The following BHLHE41 variants were observed in gnomAD, a reference collection of about 807,000 sequenced individuals.
The protein encoded by BHLHE41 is class E basic helix-loop-helix protein 41.
In BHLHE41, 14 loss-of-function variants were observed where a neutral mutation model predicts 24.0. That is an observed-to-expected ratio of 0.58 (90% CI 0.39 to 0.91). The LOEUF (loss-of-function observed/expected upper bound fraction) is 0.91. BHLHE41 is among the 40% of genes least tolerant of loss of function. BHLHE41 has a pLI of 0.00. For missense variants in BHLHE41, 674 were observed against 655.4 expected, an observed-to-expected ratio of 1.03 and a Z score of -0.31; for synonymous variants, 394 against 315.5, an observed-to-expected ratio of 1.25 and a Z score of -2.64.
At position 26,122,450 on chromosome 12, in the gene BHLHE41, C is replaced by G; in HGVS notation, c.1065G>C (p.Ser355=). The change falls in exon 5 of 5, where the codon TCG becomes TCC. Residue 355 remains serine (S), a synonymous_variant. Transcript: ENST00000242728. ...APFCLPFCFL[S]PSAAAAYVQP... is the part of the protein sequence containing the mutation. ...GCACGTAGGCGGCAGCTGCAGAAGG[C>G]GAGAGGAAGCAGAAGGGCAGGCAGA... 1 of 1,355,094 alleles carries G rather than the reference C, an allele frequency of 7.4e-7. No individual in the cohort carries two copies. The highest frequency in any genetic ancestry group is 9.6e-7 in the Non-Finnish European group (1 of 1,043,702). 83.9% of individuals were successfully genotyped at this position (1,355,094 alleles called of 1,614,324 possible). A position where few individuals can be genotyped will look rare whatever the true frequency, so the allele number is the denominator to read the frequency against.
Position 26,122,052 on chromosome 12 carries a change from C to A in BHLHE41, c.*14G>T. ...TCACTCTGCTTGAACCTCCGTCCTT[C>A]GGGACGCAAGGATTCAGGGAGCTTC... On this transcript the variant is annotated 3_prime_UTR_variant, in exon 5 of 5. Coordinates refer to ENST00000242728, the MANE Select transcript of BHLHE41 (RefSeq NM_030762.3). 1 of 1,549,274 alleles carries A rather than the reference C, an allele frequency of 6.5e-7. No individual in the cohort carries two copies. The highest frequency in any genetic ancestry group is 2.5e-5 in the East Asian group (1 of 40,810).
Position 26,124,808 on chromosome 12 carries a change from C to A in BHLHE41, c.-29G>T. 1 of 1,612,534 alleles carries A rather than the reference C, an allele frequency of 6.2e-7. No homozygotes were observed. Among genetic ancestry groups the A allele is most frequent in the South Asian group, 1.1e-5 (1 of 91,042 alleles). On this transcript the variant is annotated 5_prime_UTR_variant, in exon 1 of 5. Coordinates refer to ENST00000242728, the MANE Select transcript of BHLHE41 (RefSeq NM_030762.3). Reference sequence around the variant, plus strand: ...CAACTGCTGTTCGTTTCCTCTGTTTCGATTTTTGGGGCTCTGTACAATAAT... The same window carrying A: ...CAACTGCTGTTCGTTTCCTCTGTTTAGATTTTTGGGGCTCTGTACAATAAT...
chr12:26,124,732 A>C lies in BHLHE41; in HGVS notation c.48T>G (p.His16Gln), dbSNP rs749776518. 3.1e-6 allele frequency: 5 copies of C among 1,614,184 alleles called. No individual in the cohort carries two copies. Among genetic ancestry groups the C allele is most frequent in the Non-Finnish European group, 4.2e-6 (5 of 1,180,012 alleles). Reference sequence around the variant, plus strand: ...GTGCACCTTACCCTATAAAATCTCTATGTTCCAGTAACTGTCTCTCTTGCA... The same window carrying C: ...GTGCACCTTACCCTATAAAATCTCTCTGTTCCAGTAACTGTCTCTCTTGCA... The part of the protein sequence containing the change: ...PHLQERQLLE[H>Q]RDFIGLDYSS... The change falls in exon 1 of 5, where the codon CAT becomes CAG. Residue 16 changes from histidine to glutamine, a missense_variant. Physicochemically the swap from His to Gln is conservative, Grantham distance 24. This residue lies in a region of BHLHE41 where 67 missense variants were observed against 62.4 expected (regional missense o/e 1.07). Transcript: ENST00000242728.
rs1944320473 is a variant in BHLHE41, at chr12:26,122,590, G to T, written c.925C>A (p.Pro309Thr). Residue 309 changes from proline to threonine, a missense_variant, in exon 5 of 5, where the codon CCT becomes ACT. Pro to Thr is a conservative substitution (Grantham distance 38). Around this residue, in one of 3 missense-constraint regions of BHLHE41, gnomAD observed 602 missense variants for 570.8 expected, o/e 1.05. Coordinates refer to ENST00000242728, the MANE Select transcript of BHLHE41 (RefSeq NM_030762.3). The stretch of plus-strand genomic sequence containing the variant: ...CTCAGCAGCGCGGCCGCGGCGGCAG[G>T]GTCGGGCCCCAGAAGCGCGGCTGCC... ...AAAAALLGPDPAAAAALLRPD... is the reference protein window; with the variant it reads ...AAAAALLGPDTAAAAALLRPD... 2 of 1,116,038 alleles carry T rather than the reference G, an allele frequency of 1.8e-6. No individual in the cohort carries two copies. Among genetic ancestry groups the T allele is most frequent in the Non-Finnish European group, 2.2e-6 (2 of 917,676 alleles). 69.1% of individuals were successfully genotyped at this position (1,116,038 alleles called of 1,614,324 possible).
At position 26,122,748 on chromosome 12, in the gene BHLHE41, T is replaced by C. The variant is rs1200508762; in HGVS notation, c.767A>G (p.Lys256Arg). Residue 256 changes from lysine (K) to arginine (R), a missense_variant, in exon 5 of 5, where the codon AAA (lysine) becomes AGA (arginine). Physicochemically the swap from Lys to Arg is conservative, Grantham distance 26 (BLOSUM62 2). This residue lies in a region of BHLHE41 where 602 missense variants were observed against 570.8 expected (regional missense o/e 1.05). Coordinates refer to ENST00000242728, the MANE Select transcript of BHLHE41 (RefSeq NM_030762.3). ...GGTGACGCGGCTCGCCCCCGCGCCTTTGCCTTTCTCGCGGTCCGGCCGGGC... is the reference window on the plus strand; with the variant it reads ...GGTGACGCGGCTCGCCCCCGCGCCTCTGCCTTTCTCGCGGTCCGGCCGGGC... Reference protein sequence around the residue: ...AEARPDREKGKGAGASRVTIK... With the variant: ...AEARPDREKGRGAGASRVTIK... 1.9e-6 allele frequency: 3 copies of C among 1,597,460 alleles called. No homozygotes were observed. The highest frequency in any genetic ancestry group is 2.7e-5 in the African/African-American group (2 of 73,134).
In BHLHE41 at chr12:26,120,076, G is replaced by A. The variant is rs1479472026; in HGVS notation, c.*1990C>T. 2 of 152,144 alleles carry A rather than the reference G, an allele frequency of 1.3e-5. No individual in the cohort carries two copies. The highest frequency in any genetic ancestry group is 1.9e-4 in the East Asian group (1 of 5,196). The allele number at this position is 152,144 out of a possible 1,614,324, so 9.4% of individuals were successfully genotyped here. On this transcript the variant is annotated 3_prime_UTR_variant, in exon 5 of 5. Coordinates refer to ENST00000242728, the MANE Select transcript of BHLHE41 (RefSeq NM_030762.3). ...CTTTTCATTAAGATACATTGGGAAC[G>A]AGCAGGTAGACAAAGCCAGAGCCTG...
In BHLHE41 at chr12:26,122,194, G is replaced by A. The variant is rs1944312768; in HGVS notation, c.1321C>T (p.Leu441Phe). The A allele has an allele frequency of 2.1e-6, 3 of 1,444,028 alleles. No homozygotes were observed. The highest frequency in any genetic ancestry group is 2.7e-6 in the Non-Finnish European group (3 of 1,101,368). 89.5% of individuals were successfully genotyped at this position (1,444,028 alleles called of 1,614,324 possible). A position where few individuals can be genotyped will look rare whatever the true frequency, so the allele number is the denominator to read the frequency against. ...GGGTGCTGGGGGTGCGGCGCCCCAAGGGGCGCCACCTCGTGCGGCAGGAGG... is the reference window on the plus strand; with the variant it reads ...GGGTGCTGGGGGTGCGGCGCCCCAAAGGGCGCCACCTCGTGCGGCAGGAGG... ...ATLLPHEVAP[L>F]GAPHPQHPHG... The change falls in exon 5 of 5, where the codon CTT becomes TTT. Residue 441 changes from leucine (L) to phenylalanine (F), a missense_variant. Transcript: ENST00000242728.
Position 26,122,570 on chromosome 12 carries a change from C to A in BHLHE41, c.945G>T (p.Leu315=). 2 of 1,118,016 alleles carry A rather than the reference C, an allele frequency of 1.8e-6. No homozygotes were observed. Among genetic ancestry groups the A allele is most frequent in the Non-Finnish European group, 2.2e-6 (2 of 916,158 alleles). 69.3% of individuals were successfully genotyped at this position (1,118,016 alleles called of 1,614,324 possible). A position where few individuals can be genotyped will look rare whatever the true frequency, so the allele number is the denominator to read the frequency against. ...TGAGCAGGGCGGCGTCGGGTCTCAG[C>A]AGCGCGGCCGCGGCGGCAGGGTCGG... ...LGPDPAAAAA[L]LRPDAALLSS... Residue 315 remains leucine, a synonymous_variant, in exon 5 of 5, where the codon CTG becomes CTT. Coordinates refer to ENST00000242728, the MANE Select transcript of BHLHE41 (RefSeq NM_030762.3).
rs966703016 is a variant in BHLHE41, at chr12:26,121,984, A to G, written c.*82T>C. ...CCTTAAAGACCTTAAGGGTATTTTA[A>G]CTTCTCACTCTGCTTGAACCTCCTT... On this transcript the variant is annotated 3_prime_UTR_variant, in exon 5 of 5. Transcript: ENST00000242728. The G allele has an allele frequency of 6.4e-5, 98 of 1,540,982 alleles. No homozygotes were observed. Among genetic ancestry groups the G allele is most frequent in the Non-Finnish European group, 8.5e-5 (97 of 1,141,614 alleles).
In BHLHE41 at chr12:26,124,806, T is replaced by G. The variant is rs552612687; in HGVS notation, c.-27A>C. 6 of 1,613,670 alleles carry G rather than the reference T, an allele frequency of 3.7e-6. No individual in the cohort carries two copies. The highest frequency in any genetic ancestry group is 2.7e-5 in the African/African-American group (2 of 75,044). On this transcript the variant is annotated 5_prime_UTR_variant, in exon 1 of 5. Coordinates refer to ENST00000242728, the MANE Select transcript of BHLHE41 (RefSeq NM_030762.3). ...TTCAACTGCTGTTCGTTTCCTCTGT[T>G]TCGATTTTTGGGGCTCTGTACAATA...
In BHLHE41 at chr12:26,122,094, G is replaced by A. The variant is rs1323568281; in HGVS notation, c.1421C>T (p.Pro474Leu). Residue 474 changes from proline (P) to leucine (L), a missense_variant, in exon 5 of 5, where the codon CCC (proline) becomes CTC (leucine). Pro to Leu is a moderately conservative substitution (Grantham distance 98). Transcript: ENST00000242728. Reference sequence around the variant, plus strand: ...GGGAGCTTCCTTTCCTGGCTGCGAGGGATCTTCCTGAGCAGAGCTCTCCGG... The same window carrying A: ...GGGAGCTTCCTTTCCTGGCTGCGAGAGATCTTCCTGAGCAGAGCTCTCCGG... The part of the protein sequence containing the change: ...GNPESSAQED[P>L]SQPGKEAP 3.9e-6 allele frequency: 6 copies of A among 1,549,788 alleles called. No homozygotes were observed. The highest frequency in any genetic ancestry group is 3.4e-4 in the Middle Eastern group (2 of 5,970).
chr12:26,125,010 A>C lies in BHLHE41; in HGVS notation c.-231T>G. 1.6e-6 allele frequency: 1 copy of C among 615,232 alleles called. No individual in the cohort carries two copies. The highest frequency in any genetic ancestry group is 3.0e-6 in the Non-Finnish European group (1 of 338,532). The allele number at this position is 615,232 out of a possible 1,614,324, so 38.1% of individuals were successfully genotyped here. A position where few individuals can be genotyped will look rare whatever the true frequency, so the allele number is the denominator to read the frequency against. Reference sequence around the variant, plus strand: ...CTCGCGCCGGCCCCACTGCGCTGGTAGTTTGCTCTCACTCCAGGCAGTGTT... The same window carrying C: ...CTCGCGCCGGCCCCACTGCGCTGGTCGTTTGCTCTCACTCCAGGCAGTGTT... On this transcript the variant is annotated 5_prime_UTR_variant, in exon 1 of 5. Coordinates refer to ENST00000242728, the MANE Select transcript of BHLHE41 (RefSeq NM_030762.3).
Position 26,122,753 on chromosome 12 carries a change from T to A in BHLHE41, c.762A>T (p.Lys254Asn), listed in dbSNP as rs777821901. The A allele has an allele frequency of 1.9e-6, 3 of 1,596,832 alleles. No individual in the cohort carries two copies. Among genetic ancestry groups the A allele is most frequent in the East Asian group, 4.6e-5 (2 of 43,720 alleles). ...GEAEARPDRE[K>N]GKGAGASRVT... ...CGCGGCTCGCCCCCGCGCCTTTGCCTTTCTCGCGGTCCGGCCGGGCCTCGG... is the reference window on the plus strand; with the variant it reads ...CGCGGCTCGCCCCCGCGCCTTTGCCATTCTCGCGGTCCGGCCGGGCCTCGG... Residue 254 changes from lysine to asparagine, a missense_variant, in exon 5 of 5, where the codon AAA becomes AAT. By Grantham distance (94) the Lys-to-Asn change is moderately conservative. This residue lies in a region of BHLHE41 where 602 missense variants were observed against 570.8 expected (regional missense o/e 1.05). Transcript: ENST00000242728.
At position 26,124,521 on chromosome 12, in the gene BHLHE41, T is replaced by C; in HGVS notation, c.124A>G (p.Lys42Glu). ...GAATATCGGGAACTTACACTTACCTTGGTGTCGTCTCGTTTCATGCTCCTT... is the reference window on the plus strand; with the variant it reads ...GAATATCGGGAACTTACACTTACCTCGGTGTCGTCTCGTTTCATGCTCCTT... ...PKRSMKRDDT[K>E]DTYKLPHRLI... is the part of the protein sequence containing the mutation. Residue 42 changes from lysine to glutamate, a missense_variant and splice_region_variant, in exon 2 of 5, where the codon AAG becomes GAG. By Grantham distance (56) the Lys-to-Glu change is moderately conservative. Coordinates refer to ENST00000242728, the MANE Select transcript of BHLHE41 (RefSeq NM_030762.3). 6.2e-7 allele frequency: 1 copy of C among 1,613,966 alleles called. No homozygotes were observed. Among genetic ancestry groups the C allele is most frequent in the Non-Finnish European group, 8.5e-7 (1 of 1,179,840 alleles).
intron 2 of BHLHE41, 110 bp from the exon 3 acceptor site, chr12:26,124,289 G>T: frequency 1.6e-6 from 1 of 641,860 alleles, no homozygotes; most frequent in Non-Finnish European, 2.6e-6. Flanking sequence ...CATACTATGT[G>T]ATAAACTACA....
In BHLHE41 at chr12:26,122,519, G is replaced by C. The variant is rs564239022; in HGVS notation, c.996C>G (p.Gly332=). ...LLSSLVAFGG[G]GGAPFPQPAA... ...CGGGCTGCGGGAAGGGCGCGCCTCC[G>C]CCTCCGCCGAACGCCACCAGCGAGC... The change falls in exon 5 of 5, where the codon GGC becomes GGG. Residue 332 remains glycine (G), a synonymous_variant. Transcript: ENST00000242728. 1,586 of 1,289,646 alleles carry C rather than the reference G, an allele frequency of 1.2e-3. 11 individuals carry two copies. In the Middle Eastern group the frequency reaches 0.017, roughly 14 times the overall value. The allele number at this position is 1,289,646 out of a possible 1,614,324, so 79.9% of individuals were successfully genotyped here.
chr12:26,121,706 T>C lies in BHLHE41; in HGVS notation c.*360A>G. 1 of 297,936 alleles carries C rather than the reference T, an allele frequency of 3.4e-6. No individual in the cohort carries two copies. Among genetic ancestry groups the C allele is most frequent in the Non-Finnish European group, 6.5e-6 (1 of 153,600 alleles). The allele number at this position is 297,936 out of a possible 1,614,324, so 18.5% of individuals were successfully genotyped here. ...CACAGAACAGACCCTTCTTACTTCC[T>C]CTCGAATTAGGTTCCAATTTTAAGA... On this transcript the variant is annotated 3_prime_UTR_variant, in exon 5 of 5. Coordinates refer to ENST00000242728, the MANE Select transcript of BHLHE41 (RefSeq NM_030762.3).
rs1215456857 is a variant in BHLHE41, at chr12:26,124,783, CA to C, written c.-5del. ...AATGAGGAATTCCTTCGTCCATGTT[CA>C]ACTGCTGTTCGTTTCCTCTGTTTCG... On this transcript the variant is annotated 5_prime_UTR_variant, in exon 1 of 5. Coordinates refer to ENST00000242728, the MANE Select transcript of BHLHE41 (RefSeq NM_030762.3). The C allele has an allele frequency of 6.2e-7, 1 of 1,614,164 alleles. No individual in the cohort carries two copies. Among genetic ancestry groups the C allele is most frequent in the South Asian group, 1.1e-5 (1 of 91,074 alleles).
rs768071227 is a variant in BHLHE41 at position 26,123,173 on chromosome 12, G to C, written c.347-5C>G. On this transcript the variant is annotated splice_polypyrimidine_tract_variant and splice_region_variant and intron_variant, in intron 4 of 4. Transcript: ENST00000242728. Reference sequence around the variant, plus strand: ...GCGATTTCAGAGATCGCTCCCCTAGGATGAGGAAGGGATGGGGGTGGGGGA... The same window carrying C: ...GCGATTTCAGAGATCGCTCCCCTAGCATGAGGAAGGGATGGGGGTGGGGGA... 5.1e-6 allele frequency: 8 copies of C among 1,582,240 alleles called. No homozygotes were observed. Among genetic ancestry groups the C allele is most frequent in the Non-Finnish European group, 6.9e-6 (8 of 1,160,056 alleles).
Sources: gnomAD v4.1 joint callset for allele counts on GRCh38, gnomAD v4.1.1 for gene constraint, gnomAD v4.1.1 regional missense constraint, MANE v1.5 for transcripts, NCBI Gene and HGNC (gene_info 2026-07-23, HGNC 2026-07-21) for gene names.